The following TTC7A variants were observed in gnomAD, a reference collection of about 807,000 sequenced individuals.
The protein encoded by TTC7A is tetratricopeptide repeat protein 7A.
TTC7A carries 110 observed loss-of-function variants against 103.7 expected under a neutral mutation model. The ratio of observed to expected loss-of-function variants is 1.06; its 90% CI spans 0.91 to 1.24. TTC7A has a LOEUF of 1.24. TTC7A is among the 50% of genes most tolerant of loss of function. The pLI is 0.00. For missense variants in TTC7A, 1,340 were observed against 1,116.3 expected, an observed-to-expected ratio of 1.20 and a Z score of -2.86; for synonymous variants, 521 against 467.9, an observed-to-expected ratio of 1.11 and a Z score of -1.47.
intron 17 of TTC7A, 82 bp from the exon 18 acceptor site, chr2:47,051,664 G>A: frequency 2.7e-6 from 4 of 1,485,610 alleles, no homozygotes; most frequent in Non-Finnish European, 1.8e-6. Flanking sequence ...GTCTCCCCAT[G>A]GTGCTGGGCA....
chr2:47,023,935 C>A (rs1226166964), intron 13 of TTC7A, among the ~76,000 whole-genome samples: 1 of 148,510 alleles, frequency 6.7e-6, no homozygotes, highest in Non-Finnish European at 1.5e-5. Context: ...GTGAGGCTAG[C>A]TTCTCTGCCC....
chr2:46,967,090 G>C (rs903768057), intron 3 of TTC7A, among the ~76,000 whole-genome samples: 1 of 151,994 alleles, frequency 6.6e-6, no homozygotes, highest in African/African-American at 2.4e-5. Flanking sequence ...GCGCGTGCCT[G>C]TAATTCCAGC....
chr2:47,023,704 G>T (rs1469299338), intron 13 of TTC7A, among the ~76,000 whole-genome samples: 1 of 152,146 alleles, frequency 6.6e-6, no homozygotes, highest in Admixed American at 6.5e-5. Flanking sequence ...CTCTCCCAGG[G>T]CTCAGGGGTC....
At chr2:47,054,281 C>A in intron 18 of TTC7A, 1 of 535,952 alleles carries the variant, frequency 1.9e-6, no homozygotes, top group Non-Finnish European at 2.4e-6. Flanking sequence ...CAGATGACAG[C>A]CTTGACTGGG....
At chr2:47,063,667 T>C (rs1683964869) in intron 19 of TTC7A, among the ~76,000 whole-genome samples, 2 of 152,224 alleles carry the variant, frequency 1.3e-5, no homozygotes, top group African/African-American at 2.4e-5. Flanking sequence ...GGGAGGACAC[T>C]CTGGCCTTAC....
intron 5 of TTC7A, among the ~76,000 whole-genome samples, chr2:46,984,781 T>C (rs906709064): frequency 5.9e-5 from 9 of 151,990 alleles, no homozygotes; most frequent in Non-Finnish European, 1.2e-4. Context: ...AGAGGTTGAG[T>C]CACTTGCCCG....
chr2:47,051,638 T>C, intron 17 of TTC7A, 108 bp from the exon 18 acceptor site: 1 of 1,428,350 alleles, frequency 7.0e-7, no homozygotes, highest in Non-Finnish European at 9.4e-7. Flanking sequence ...CACCCTACCC[T>C]GATTCAGGGT....
At chr2:47,006,395 C>G (rs1265118367) in intron 9 of TTC7A, among the ~76,000 whole-genome samples, 1 of 152,260 alleles carries the variant, frequency 6.6e-6, no homozygotes, top group Non-Finnish European at 1.5e-5. Flanking sequence ...TGCCATCACC[C>G]TGTGAGATCA....
chr2:46,954,312 G>A (rs1416027571), intron 2 of TTC7A, among the ~76,000 whole-genome samples: 1 of 152,018 alleles, frequency 6.6e-6, no homozygotes, highest in Non-Finnish European at 1.5e-5. Context: ...CTGGTAAAGC[G>A]ACCTCCCCCG....
intron 19 of TTC7A, among the ~76,000 whole-genome samples, chr2:47,072,460 A>G (rs561989465): frequency 3.3e-5 from 5 of 152,288 alleles, no homozygotes; most frequent in African/African-American, 9.6e-5. Flanking sequence ...TTGTGTTCCA[A>G]GCTCTCCGAG....
chr2:47,043,484 A>T (rs1193882266), intron 15 of TTC7A, among the ~76,000 whole-genome samples: 1 of 152,108 alleles, frequency 6.6e-6, no homozygotes, highest in Non-Finnish European at 1.5e-5. Flanking sequence ...GGGAGCTGCT[A>T]ATACCCATGT....
At position 47,029,304 on chromosome 2, in the gene TTC7A, GCTCTT is replaced by G. The variant is rs1680262175; in HGVS notation, c.1727_1731del (p.Phe576CysfsTer21). 6.2e-7 allele frequency: 1 copy of G among 1,614,044 alleles called. No individual in the cohort carries two copies. The highest frequency in any genetic ancestry group is 8.5e-7 in the Non-Finnish European group (1 of 1,180,018). On this transcript the variant is annotated frameshift_variant, in exon 15 of 20. Transcript: ENST00000319190. LOFTEE classifies it high-confidence loss of function. ...CCCACGCCCTCCACCTGCTGGCACT[GCTCTT>G]CTCTGCCCAGAAGCACCACCAGCAT... is the stretch of plus-strand genomic sequence containing the variant.
chr2:46,969,957 C>T (rs1673209015), intron 3 of TTC7A, among the ~76,000 whole-genome samples: 1 of 152,174 alleles, frequency 6.6e-6, no homozygotes, highest in African/African-American at 2.4e-5. Flanking sequence ...CTTAACTCTA[C>T]CTGGCAGGGT....
chr2:47,031,326 G>A (rs749438359), intron 15 of TTC7A, among the ~76,000 whole-genome samples: 1 of 152,124 alleles, frequency 6.6e-6, no homozygotes, highest in South Asian at 2.1e-4. Flanking sequence ...TAATGAAAAT[G>A]CACAAAAGAT....
chr2:46,970,142 A>G (rs1038322740), intron 3 of TTC7A, among the ~76,000 whole-genome samples: 1 of 152,212 alleles, frequency 6.6e-6, no homozygotes, highest in East Asian at 1.9e-4. Flanking sequence ...AGTGTGCGCC[A>G]CCAAGCCCAG....
rs1682882257 is a variant in TTC7A, at chr2:47,051,809, T to TGCCCTCTTCGGTCCTGGGCATAGTCAG, written c.2097_2098insGGCATAGTCAGGCCCTCTTCGGTCCTG (p.Leu699_Lys700insGlyIleValArgProSerSerValLeu). 6.2e-7 allele frequency: 1 copy of TGCCCTCTTCGGTCCTGGGCATAGTCAG among 1,611,974 alleles called. No individual in the cohort carries two copies. ...GAGGAGGCCATGTCAGAGCTGACTA[T>TGCCCTCTTCGGTCCTGGGCATAGTCAG]GCCCTCTTCGGTCCTGAAGCAGGGC... On this transcript the variant is annotated inframe_insertion, in exon 18 of 20. Transcript: ENST00000319190.
At chr2:47,044,605 G>A (rs1354633947) in intron 15 of TTC7A, among the ~76,000 whole-genome samples, 2 of 152,194 alleles carry the variant, frequency 1.3e-5, no homozygotes, top group Admixed American at 6.5e-5. Context: ...TGGGTGCAGG[G>A]CATCCTAAGA....
rs1308837462 is a variant in TTC7A at position 47,009,619 on chromosome 2, CCTGCCAGTTG to C, written c.1288-1709_1288-1700del. 2.0e-5 allele frequency among the ~76,000 whole-genome samples: 3 copies of C among 152,196 alleles called. No homozygotes were observed. In the East Asian group the frequency reaches 5.8e-4, roughly 29 times the overall value. ...AGACCATTCGGATCATAGCTGTGCA[CCTGCCAGTTG>C]CTCATACCCTGCTGTAGACAGGCGA... is the stretch of plus-strand genomic sequence containing the variant. On this transcript the variant is annotated intron_variant, in intron 10 of 19. Transcript: ENST00000319190.
At chr2:47,015,280 T>C (rs1025572109) in intron 11 of TTC7A, among the ~76,000 whole-genome samples, 1 of 152,224 alleles carries the variant, frequency 6.6e-6, no homozygotes, top group African/African-American at 2.4e-5. Context: ...TTAAAATTCA[T>C]TTAACTTAAA....
Sources: allele counts gnomAD v4.1 joint callset (sites outside exome capture counted in the v4.1 genomes callset), GRCh38; gene constraint gnomAD v4.1.1; transcripts MANE v1.5; gene names NCBI Gene and HGNC (gene_info 2026-07-23, HGNC 2026-07-21).